PKD1L1: variants seen among roughly 807,000 people sequenced by gnomAD.
PKD1L1 encodes the protein polycystin 1 like 1, transient receptor potential channel interacting, also known as polycystin-1-like protein 1.
PKD1L1 carries 236 observed loss-of-function variants against 323.4 expected under a neutral mutation model. That is an observed-to-expected ratio of 0.73 (90% CI 0.66 to 0.81). PKD1L1 has a LOEUF of 0.81. Ranked by LOEUF, PKD1L1 falls within the 40% of genes least tolerant of loss-of-function variation. The probability of loss-of-function intolerance (pLI) is 0.00; values close to 1 mark genes in which losing one functional copy is unlikely to be tolerated. For synonymous variants in PKD1L1, 1,344 were observed against 1,335.0 expected (o/e 1.01, Z -0.15); for missense variants, 3,320 against 3,508.0 (o/e 0.95, Z 1.35).
At chr7:47,898,547 T>G (rs577262526) in intron 13 of PKD1L1, among the ~76,000 whole-genome samples, 3 of 152,100 alleles carry the variant, frequency 2.0e-5, no homozygotes, top group Non-Finnish European at 4.4e-5. Context: ...ATGTTATGCT[T>G]CTGGGTTTTG....
Position 47,873,935 on chromosome 7 carries a change from G to C in PKD1L1, c.3860C>G (p.Pro1287Arg), listed in dbSNP as rs1016234624. Reference sequence around the variant, plus strand: ...CAGACAGTCATTTCCATGGTAGCGGGGCAGCACAGTCACCACCACAGTGCA... The same window carrying C: ...CAGACAGTCATTTCCATGGTAGCGGCGCAGCACAGTCACCACCACAGTGCA... ...QPCTVVVTVL[P>R]RYHGNDCLGE... The change falls in exon 24 of 57, where the codon CCC (proline) becomes CGC (arginine). Residue 1287 changes from proline to arginine, a missense_variant. Transcript: ENST00000289672. 1 of 1,614,016 alleles carries C rather than the reference G, an allele frequency of 6.2e-7. No individual in the cohort carries two copies. Among genetic ancestry groups the C allele is most frequent in the Non-Finnish European group, 8.5e-7 (1 of 1,179,956 alleles).
intron 46 of PKD1L1, chr7:47,817,999 T>C (rs752489684): frequency 1.5e-6 from 2 of 1,334,638 alleles, no homozygotes; most frequent in South Asian, 2.4e-5. Flanking sequence ...CATTGGTTTA[T>C]ACATCTTTAG....
rs1393380331 is a variant in PKD1L1 at position 47,921,671 on chromosome 7, T to C, written c.1061-6072A>G. On this transcript the variant is annotated intron_variant, in intron 7 of 56. Coordinates refer to ENST00000289672, the MANE Select transcript of PKD1L1 (RefSeq NM_138295.5). ...TCAATCAATGAGTGGATAAAGAAAC[T>C]GTGATATATATATATATATAATGAG... Among the ~76,000 whole-genome samples the C allele has an allele frequency of 2.7e-5, 2 of 74,118 alleles. 1 individual carries two copies. Among genetic ancestry groups the C allele is most frequent in the South Asian group, 7.0e-4 (2 of 2,852 alleles). The allele number at this position is 74,118 out of a possible 152,430, so 48.6% of individuals were successfully genotyped here.
chr7:47,809,286 G>A (rs1784844651), intron 51 of PKD1L1, 187 bp downstream of exon 51: 4 of 536,036 alleles, frequency 7.5e-6, no homozygotes, highest in Non-Finnish European at 1.3e-5. Flanking sequence ...GTACATGACG[G>A]TAACTGTAAC....
chr7:47,775,546 G>A (rs1260009685), intron 56 of PKD1L1, among the ~76,000 whole-genome samples: 7 of 151,686 alleles, frequency 4.6e-5, no homozygotes, highest in Non-Finnish European at 7.4e-5. Flanking sequence ...ATGAATCAAA[G>A]AATAAATCAA....
intron 22 of PKD1L1, 72 bp downstream of exon 22, chr7:47,877,417 C>T: frequency 6.4e-7 from 1 of 1,572,658 alleles, no homozygotes; most frequent in Admixed American, 1.7e-5. Flanking sequence ...TCCTACAGCA[C>T]CCGTGACTGC....
At chr7:47,798,518 G>A (rs1292058658) in intron 54 of PKD1L1, among the ~76,000 whole-genome samples, 1 of 152,188 alleles carries the variant, frequency 6.6e-6, no homozygotes, top group African/African-American at 2.4e-5. Flanking sequence ...AGCACTTTGG[G>A]AGGCTGAGGC....
Position 47,821,087 on chromosome 7 carries a change from T to C in PKD1L1, c.6954A>G (p.Lys2318=). Residue 2318 remains lysine (K), a synonymous_variant, in exon 46 of 57, where the codon AAA becomes AAG. Coordinates refer to ENST00000289672, the MANE Select transcript of PKD1L1 (RefSeq NM_138295.5). ...DEYSLNQAIR[K]EFTRNARNCL... is the part of the protein sequence containing the mutation. ...CCCAAACCTCCTACCTTGTAAATTC[T>C]TTCCGGATAGCTTGATTGAGGGAGT... The C allele has an allele frequency of 6.3e-7, 1 of 1,587,910 alleles. No homozygotes were observed. Among genetic ancestry groups the C allele is most frequent in the Non-Finnish European group, 8.6e-7 (1 of 1,156,086 alleles).
chr7:47,940,323 G>GAAA lies in PKD1L1; in HGVS notation c.161-9_161-7dup. The GAAA allele has an allele frequency of 3.8e-6, 5 of 1,324,058 alleles. No individual in the cohort carries two copies. Among genetic ancestry groups the GAAA allele is most frequent in the South Asian group, 1.4e-5 (1 of 69,232 alleles). 82.0% of individuals were successfully genotyped at this position (1,324,058 alleles called of 1,614,324 possible). A position where few individuals can be genotyped will look rare whatever the true frequency, so the allele number is the denominator to read the frequency against. ...CACATGATTAGCATAGACCTCTAGA[G>GAAA]AAAAAAAAAAAAGCAAACATTCTGA... On this transcript the variant is annotated splice_polypyrimidine_tract_variant and splice_region_variant and intron_variant, in intron 2 of 56. Coordinates refer to ENST00000289672, the MANE Select transcript of PKD1L1 (RefSeq NM_138295.5).
At chr7:47,925,660 C>A (rs1005792301) in intron 7 of PKD1L1, among the ~76,000 whole-genome samples, 1 of 152,158 alleles carries the variant, frequency 6.6e-6, no homozygotes, top group East Asian at 1.9e-4. Flanking sequence ...AATTGAGGCA[C>A]AACTGACCAG....
At chr7:47,812,990 G>T in intron 49 of PKD1L1, 131 bp downstream of exon 49, 1 of 1,063,852 alleles carries the variant, frequency 9.4e-7, no homozygotes, top group Non-Finnish European at 1.4e-6. Flanking sequence ...GGAGCCCCTG[G>T]CAGTGGTGCG....
chr7:47,890,863 A>G (rs983653461), intron 15 of PKD1L1, 100 bp from the exon 16 acceptor site: 17 of 981,854 alleles, frequency 1.7e-5, no homozygotes, highest in African/African-American at 4.8e-5. Context: ...GGGGGACCAC[A>G]GGGGACACGT....
At chr7:47,902,552 G>C (rs763639591) in intron 12 of PKD1L1, 41 bp from the exon 13 acceptor site, 2 of 1,600,710 alleles carry the variant, frequency 1.2e-6, no homozygotes, top group East Asian at 2.2e-5. Context: ...AATTTATGTT[G>C]ATGAACGTCA....
intron 13 of PKD1L1, among the ~76,000 whole-genome samples, chr7:47,898,937 T>A (rs972096546): frequency 6.6e-6 from 1 of 151,842 alleles, no homozygotes; most frequent in African/African-American, 2.4e-5. Flanking sequence ...AATTTTCTTA[T>A]CAACTAGAAC....
At chr7:47,935,027 C>T (rs912157659) in intron 4 of PKD1L1, among the ~76,000 whole-genome samples, 2 of 152,158 alleles carry the variant, frequency 1.3e-5, no homozygotes, top group South Asian at 2.1e-4. Flanking sequence ...TCTTGTTTCT[C>T]GTGTGTATTC....
At chr7:47,873,666 AAAAAAGAAGG>A (rs1460225250) in intron 24 of PKD1L1, among the ~76,000 whole-genome samples, 1 of 145,334 alleles carries the variant, frequency 6.9e-6, no homozygotes, top group South Asian at 2.2e-4. Flanking sequence ...AAAAAAAAAA[AAAAAAGAAGG>A]AGAAGAAAGT....
intron 45 of PKD1L1, among the ~76,000 whole-genome samples, chr7:47,821,443 A>G (rs1785138666): frequency 6.6e-6 from 1 of 151,030 alleles, no homozygotes; most frequent in African/African-American, 2.4e-5. Context: ...TAACTTTTGT[A>G]TATTTAGTGG....
At chr7:47,786,859 C>T (rs965267850) in intron 56 of PKD1L1, among the ~76,000 whole-genome samples, 40 of 152,088 alleles carry the variant, frequency 2.6e-4, no homozygotes, top group Admixed American at 2.5e-3. Context: ...GGCTACATAG[C>T]TGAGAGGCCA....
In PKD1L1 at chr7:47,866,367, G is replaced by A; in HGVS notation, c.4092+52C>T. ...AGTGAGCCAGCCAGTCATGAGCCCTGCCACTTGATAAAGGTTTACAGACAC... is the reference window on the plus strand; with the variant it reads ...AGTGAGCCAGCCAGTCATGAGCCCTACCACTTGATAAAGGTTTACAGACAC... On this transcript the variant is annotated intron_variant, in intron 25 of 56. Transcript: ENST00000289672. 2.6e-6 allele frequency: 4 copies of A among 1,563,804 alleles called. No individual in the cohort carries two copies. In the Admixed American group the frequency reaches 5.8e-5, roughly 23 times the overall value.
Sources: gnomAD v4.1 joint callset for allele counts (sites outside exome capture counted in the v4.1 genomes callset) on GRCh38, gnomAD v4.1.1 for gene constraint, MANE v1.5 for transcripts, NCBI Gene and HGNC (gene_info 2026-07-23, HGNC 2026-07-21) for gene names.